DIPK1A: variants seen among roughly 807,000 people sequenced by gnomAD.
DIPK1A encodes the protein divergent protein kinase domain 1A.
In DIPK1A, 27 loss-of-function variants were observed where a neutral mutation model predicts 40.8. The observed-to-expected ratio is 0.66, with a 90% CI of 0.49 to 0.91. DIPK1A has a LOEUF of 0.91. Ranked by LOEUF, DIPK1A falls within the 40% of genes least tolerant of loss-of-function variation. DIPK1A has a pLI of 0.00. For missense variants in DIPK1A, 412 were observed against 505.7 expected, an observed-to-expected ratio of 0.81 and a Z score of 1.78; for synonymous variants, 166 against 171.3, an observed-to-expected ratio of 0.97 and a Z score of 0.24.
intron 2 of DIPK1A, among the ~76,000 whole-genome samples, chr1:92,866,176 A>T (rs1647527632): frequency 6.6e-6 from 1 of 152,188 alleles, no homozygotes; most frequent in Admixed American, 6.5e-5. Flanking sequence ...ATCTCAGCTC[A>T]CTGCAGCCTC....
intron 2 of DIPK1A, among the ~76,000 whole-genome samples, chr1:92,867,950 A>G (rs1461109529): frequency 6.6e-6 from 1 of 152,232 alleles, no homozygotes; most frequent in East Asian, 1.9e-4. Flanking sequence ...TACAGCAATG[A>G]CAAGTAATGG....
At chr1:92,885,260 G>A (rs1007866101) in intron 1 of DIPK1A, among the ~76,000 whole-genome samples, 6 of 152,194 alleles carry the variant, frequency 3.9e-5, no homozygotes, top group Admixed American at 2.0e-4. Context: ...GAGAATCAGT[G>A]AGGAGATGCT....
chr1:92,892,610 G>A (rs1648944952), intron 1 of DIPK1A, among the ~76,000 whole-genome samples: 1 of 152,078 alleles, frequency 6.6e-6, no homozygotes. Flanking sequence ...TTCTCCAAAG[G>A]AATGCAGCTC....
At chr1:92,838,793 G>T (rs1478273080), downstream of DIPK1A, among the ~76,000 whole-genome samples, 1 of 152,216 alleles carries the variant, frequency 6.6e-6, no homozygotes, top group African/African-American at 2.4e-5. Context: ...TTATTTGTTA[G>T]TGAACAGCTA....
intron 1 of DIPK1A, among the ~76,000 whole-genome samples, chr1:92,928,317 C>T (rs2100866728): frequency 6.6e-6 from 1 of 152,326 alleles, no homozygotes; most frequent in Admixed American, 6.5e-5. Flanking sequence ...TATCTTGTAA[C>T]AGCATTATTC....
At chr1:92,912,880 C>G (rs1409767001) in intron 1 of DIPK1A, among the ~76,000 whole-genome samples, 1 of 151,992 alleles carries the variant, frequency 6.6e-6, no homozygotes, top group East Asian at 1.9e-4. Context: ...GAAGGAGGAT[C>G]ACTTGAGTCC....
intron 1 of DIPK1A, among the ~76,000 whole-genome samples, chr1:92,958,486 C>T (rs775435807): frequency 1.3e-5 from 2 of 152,130 alleles, no homozygotes; most frequent in Non-Finnish European, 2.9e-5. Context: ...CTCTTCCTGG[C>T]CCTCCATCTC....
At chr1:92,890,762 T>C (rs912480745) in intron 1 of DIPK1A, among the ~76,000 whole-genome samples, 1 of 152,190 alleles carries the variant, frequency 6.6e-6, no homozygotes, top group Non-Finnish European at 1.5e-5. Context: ...TCAGGTATAT[T>C]AGCCTATAGT....
downstream of DIPK1A, chr1:92,840,332 A>T: frequency 2.0e-6 from 1 of 493,934 alleles, no homozygotes; most frequent in Non-Finnish European, 3.7e-6. Flanking sequence ...CTTGAGTAAG[A>T]TGGAGTTCTG....
chr1:92,935,996 C>G (rs1393172212), intron 1 of DIPK1A, among the ~76,000 whole-genome samples: 1 of 152,002 alleles, frequency 6.6e-6, no homozygotes, highest in Non-Finnish European at 1.5e-5. Flanking sequence ...GTGGGATGAT[C>G]GATCACCTGG....
chr1:92,836,127 C>A, intron 4 of DIPK1A: 1 of 1,455,526 alleles, frequency 6.9e-7, no homozygotes, highest in Non-Finnish European at 9.6e-7. Context: ...ATGACATAAG[C>A]TATTTTAATT....
At chr1:92,954,724 C>T (rs748923937) in intron 1 of DIPK1A, among the ~76,000 whole-genome samples, 1 of 152,030 alleles carries the variant, frequency 6.6e-6, no homozygotes, top group African/African-American at 2.4e-5. Flanking sequence ...TGGTATTTAA[C>T]AGGATGATAT....
At chr1:92,939,400 T>C (rs893871079) in intron 1 of DIPK1A, among the ~76,000 whole-genome samples, 8 of 152,186 alleles carry the variant, frequency 5.3e-5, no homozygotes, top group African/African-American at 1.9e-4. Context: ...TAATAGGATA[T>C]ATTTTAGGTT....
exon 5 of DIPK1A, chr1:92,832,882 A>G: frequency 3.1e-6 from 2 of 637,446 alleles, no homozygotes; most frequent in South Asian, 1.7e-5. Context: ...TGAAAAACAT[A>G]ACATGGGAAG....
chr1:92,874,689 C>A (rs1648032919), intron 2 of DIPK1A, among the ~76,000 whole-genome samples: 1 of 152,142 alleles, frequency 6.6e-6, no homozygotes, highest in Admixed American at 6.5e-5. Context: ...AGGTTAGAAA[C>A]TGAGTTTTGT....
At chr1:92,836,745 A>C (rs925169283) in intron 4 of DIPK1A, 4 of 242,244 alleles carry the variant, frequency 1.7e-5, no homozygotes, top group Non-Finnish European at 2.5e-5. Flanking sequence ...TGATTTACTG[A>C]ATTATGCAAA....
chr1:92,917,839 T>G (rs566227192), intron 1 of DIPK1A, among the ~76,000 whole-genome samples: 1 of 152,222 alleles, frequency 6.6e-6, no homozygotes, highest in Admixed American at 6.5e-5. Flanking sequence ...TTTTTGAGAA[T>G]AAAGAGATGA....
downstream of DIPK1A, chr1:92,842,082 G>A (rs1389313941): frequency 1.2e-6 from 1 of 800,732 alleles, no homozygotes; most frequent in Non-Finnish European, 1.7e-6. Flanking sequence ...TGTTTTACCT[G>A]ACAGGAGTCA....
At chr1:92,888,077 C>T (rs929950591) in intron 1 of DIPK1A, among the ~76,000 whole-genome samples, 5 of 151,926 alleles carry the variant, frequency 3.3e-5, no homozygotes, top group African/African-American at 1.2e-4. Flanking sequence ...GGAAAATATA[C>T]AATGAATTGT....
Sources: allele counts gnomAD v4.1 joint callset (sites outside exome capture counted in the v4.1 genomes callset), GRCh38; gene constraint gnomAD v4.1.1; transcripts MANE v1.5; gene names NCBI Gene and HGNC (gene_info 2026-07-23, HGNC 2026-07-21).